Variants in PKNOX2 observed in about 807,000 individuals in gnomAD.
The protein encoded by PKNOX2 is homeobox protein PKNOX2.
Under a neutral mutation model 53.1 loss-of-function variants are expected in PKNOX2, and 14 were observed. The ratio of observed to expected loss-of-function variants is 0.26; its 90% CI spans 0.17 to 0.41. PKNOX2 has a LOEUF of 0.41. Among genes scored for constraint, PKNOX2 ranks in the 10% least tolerant of loss-of-function variants. The pLI is 1.00. For synonymous variants in PKNOX2, 257 were observed against 242.8 expected, an observed-to-expected ratio of 1.06 and a Z score of -0.54; for missense variants, 496 against 602.8, an observed-to-expected ratio of 0.82 and a Z score of 1.85.
At chr11:125,395,619 CA>C (rs1276732546) in intron 6 of PKNOX2, among the ~76,000 whole-genome samples, 3 of 152,044 alleles carry the variant, frequency 2.0e-5, no homozygotes, top group Non-Finnish European at 4.4e-5. Flanking sequence ...TTAACCATAC[CA>C]ATAGGTGTGT....
At chr11:125,404,512 T>A (rs915204043) in intron 7 of PKNOX2, among the ~76,000 whole-genome samples, 1 of 152,190 alleles carries the variant, frequency 6.6e-6, no homozygotes, top group Non-Finnish European at 1.5e-5. Flanking sequence ...GACAGGGCCC[T>A]GGCTCTGCCA....
At chr11:125,218,239 G>C (rs1940752066) in intron 1 of PKNOX2, among the ~76,000 whole-genome samples, 1 of 152,092 alleles carries the variant, frequency 6.6e-6, no homozygotes, top group African/African-American at 2.4e-5. Flanking sequence ...ACCTCACGCT[G>C]GCCCCCGAGC....
At chr11:125,336,773 C>G (rs1237278054) in intron 3 of PKNOX2, among the ~76,000 whole-genome samples, 2 of 145,782 alleles carry the variant, frequency 1.4e-5, no homozygotes, top group Non-Finnish European at 3.0e-5. Flanking sequence ...ATACTATACA[C>G]TATATTATAT....
At chr11:125,222,354 G>A (rs189865985) in intron 1 of PKNOX2, among the ~76,000 whole-genome samples, 205 of 152,164 alleles carry the variant, frequency 1.3e-3, no homozygotes, top group African/African-American at 3.6e-3. Flanking sequence ...TCAGGGTTGA[G>A]GCTATGTTGT....
rs555622128 is a variant in PKNOX2, at chr11:125,195,471, T to C, written c.-201+30695T>C. On this transcript the variant is annotated intron_variant, in intron 1 of 12. Coordinates refer to ENST00000298282, the MANE Select transcript of PKNOX2 (RefSeq NM_001382323.2). ...GGTGAAGACTTTCAGCAGTCGGCAG[T>C]GAGTGGGGAGGCGGGGAGGTCTTGG... Among the ~76,000 whole-genome samples, 4 of 151,824 alleles carry C rather than the reference T, an allele frequency of 2.6e-5. No homozygotes were observed. In the South Asian group the frequency reaches 6.3e-4, roughly 24 times the overall value.
rs1183533030 is a variant in PKNOX2 at position 125,166,255 on chromosome 11, G to A, written c.-201+1479G>A. On this transcript the variant is annotated intron_variant, in intron 1 of 12. Coordinates refer to ENST00000298282, the MANE Select transcript of PKNOX2 (RefSeq NM_001382323.2). The surrounding 1 kb of genome is among the most constrained non-coding windows in gnomAD (Gnocchi z 4.0). ...TGTGGTGGAAGCTATTGGAATTTGG[G>A]GAGGGTAGCACGAGGGGTCCTGCAG... 6.6e-6 allele frequency among the ~76,000 whole-genome samples: 1 copy of A among 152,186 alleles called. No homozygotes were observed. Among genetic ancestry groups the A allele is most frequent in the Non-Finnish European group, 1.5e-5 (1 of 68,032 alleles).
At chr11:125,365,764 A>T (rs1374086242) in intron 4 of PKNOX2, among the ~76,000 whole-genome samples, 1 of 152,242 alleles carries the variant, frequency 6.6e-6, no homozygotes, top group African/African-American at 2.4e-5. Flanking sequence ...ACCAGGCTGC[A>T]TCTCTCCACA....
intron 1 of PKNOX2, among the ~76,000 whole-genome samples, chr11:125,190,613 C>A (rs1444428221): frequency 1.3e-5 from 2 of 152,158 alleles, no homozygotes; most frequent in Admixed American, 6.5e-5. Context: ...CATGAAGTCT[C>A]ATTTCCACTC....
At position 125,235,040 on chromosome 11, in the gene PKNOX2, G is replaced by C. The variant is rs1374821603; in HGVS notation, c.-200-5G>C. The C allele has an allele frequency of 6.6e-6, 1 of 152,560 alleles. No homozygotes were observed. The highest frequency in any genetic ancestry group is 1.5e-5 in the Non-Finnish European group (1 of 68,030). 9.5% of individuals were successfully genotyped at this position (152,560 alleles called of 1,614,324 possible). On this transcript the variant is annotated splice_region_variant and splice_polypyrimidine_tract_variant and intron_variant, in intron 1 of 12. Transcript: ENST00000298282. ...GTCTATAAAGATGTTTTCTTTCATTGGCAGGTGAAGTCTGGAGCAGGACTT... is the reference window on the plus strand; with the variant it reads ...GTCTATAAAGATGTTTTCTTTCATTCGCAGGTGAAGTCTGGAGCAGGACTT...
intron 2 of PKNOX2, among the ~76,000 whole-genome samples, chr11:125,321,398 G>A (rs1203282653): frequency 1.3e-5 from 2 of 152,132 alleles, no homozygotes; most frequent in Non-Finnish European, 1.5e-5. Context: ...TATAACCTAC[G>A]CACATACTCC....
intron 5 of PKNOX2, among the ~76,000 whole-genome samples, chr11:125,369,406 T>C (rs1952397317): frequency 6.6e-6 from 1 of 152,196 alleles, no homozygotes; most frequent in South Asian, 2.1e-4. Flanking sequence ...GCCACCCCAG[T>C]GTGGGATGGA....
intron 1 of PKNOX2, among the ~76,000 whole-genome samples, chr11:125,218,413 G>C (rs1053237144): frequency 2.0e-5 from 3 of 150,924 alleles, no homozygotes; most frequent in Non-Finnish European, 2.9e-5. Flanking sequence ...GTGATGGGGG[G>C]GGGACAGGAA....
At chr11:125,345,307 G>C (rs1030050887) in intron 3 of PKNOX2, among the ~76,000 whole-genome samples, 1 of 152,104 alleles carries the variant, frequency 6.6e-6, no homozygotes, top group Admixed American at 6.5e-5. Flanking sequence ...TGATTTGGAG[G>C]TGACAAACCC....
At chr11:125,189,445 GTGTATATATA>G (rs1350758940) in intron 1 of PKNOX2, among the ~76,000 whole-genome samples, 183 of 50,556 alleles carry the variant, frequency 3.6e-3, no homozygotes, top group African/African-American at 0.013. Context: ...GTGTGTGTGT[GTGTATATATA>G]TATATATATA....
chr11:125,306,833 C>A (rs879655338), intron 2 of PKNOX2, among the ~76,000 whole-genome samples: 1 of 152,204 alleles, frequency 6.6e-6, no homozygotes, highest in East Asian at 1.9e-4. Context: ...CCCACTACCC[C>A]CTCCCCCATT....
chr11:125,290,726 A>G (rs937959180), intron 2 of PKNOX2, among the ~76,000 whole-genome samples: 1 of 152,220 alleles, frequency 6.6e-6, no homozygotes, highest in African/African-American at 2.4e-5. Context: ...TAAAATGCTC[A>G]TTCTCTGCCC....
intron 2 of PKNOX2, among the ~76,000 whole-genome samples, chr11:125,235,718 C>T (rs1174249732): frequency 6.6e-6 from 1 of 152,186 alleles, no homozygotes; most frequent in Non-Finnish European, 1.5e-5. Context: ...TCCTAGGTAA[C>T]GCCAGCTGGA....
intron 2 of PKNOX2, among the ~76,000 whole-genome samples, chr11:125,324,493 A>G (rs1180330461): frequency 1.3e-5 from 2 of 152,288 alleles, no homozygotes; most frequent in South Asian, 2.1e-4. Context: ...GGGGAGCTCT[A>G]TAGGCTTGAG....
At chr11:125,328,112 G>C (rs1949931424) in intron 2 of PKNOX2, among the ~76,000 whole-genome samples, 2 of 152,140 alleles carry the variant, frequency 1.3e-5, no homozygotes, top group African/African-American at 4.8e-5. Flanking sequence ...CACCAGGAGG[G>C]ACACAATGAA....
Sources: allele counts gnomAD v4.1 joint callset (sites outside exome capture counted in the v4.1 genomes callset), GRCh38; gene constraint gnomAD v4.1.1; non-coding constraint Gnocchi (gnomAD v3.1); transcripts MANE v1.5; gene names NCBI Gene and HGNC (gene_info 2026-07-23, HGNC 2026-07-21).